The following DISC1 variants were observed in gnomAD, a reference collection of about 807,000 sequenced individuals.
DISC1 encodes the protein DISC1 scaffold protein.
In DISC1, 57 loss-of-function variants were observed where a neutral mutation model predicts 84.5. That is an observed-to-expected ratio of 0.67 (90% confidence interval 0.55 to 0.84). The LOEUF (loss-of-function observed/expected upper bound fraction) is 0.84. Among genes scored for constraint, DISC1 ranks in the 40% least tolerant of loss-of-function variants. The pLI is 0.00. For synonymous variants in DISC1, 411 were observed against 415.2 expected, an observed-to-expected ratio of 0.99 and a Z score of 0.12; for missense variants, 1,000 against 1,057.8, an observed-to-expected ratio of 0.95 and a Z score of 0.76.
Position 231,723,660 on chromosome 1 carries a change from G to T in DISC1, c.1117+21636G>T, listed in dbSNP as rs1041302749. ...ATTTTTGTCTCATCAATTGGATTAT[G>T]ACACTGTCAGCCACTGTTAGTGTTA... On this transcript the variant is annotated intron_variant, in intron 3 of 12. Transcript: ENST00000439617. 5 of 985,316 alleles carry T rather than the reference G, an allele frequency of 5.1e-6. No homozygotes were observed. In the African/African-American group the frequency reaches 8.7e-5, roughly 17 times the overall value. 61.0% of individuals were successfully genotyped at this position (985,316 alleles called of 1,614,324 possible). A position where few individuals can be genotyped will look rare whatever the true frequency, so the allele number is the denominator to read the frequency against.
chr1:231,694,529 G>A lies in DISC1; in HGVS notation c.771G>A (p.Glu257=). 6.2e-7 allele frequency: 1 copy of A among 1,614,244 alleles called. No individual in the cohort carries two copies. The highest frequency in any genetic ancestry group is 8.5e-7 in the Non-Finnish European group (1 of 1,180,032). ...AKAASLDGPH[E]DPRCLSRPFS... ...CTGCCAGCTTGGACGGGCCTCACGA[G>A]GACCCGCGATGTCTCTCTCGGCCCT... is the stretch of plus-strand genomic sequence containing the variant. Residue 257 remains glutamate, a synonymous_variant, in exon 2 of 13, where the codon GAG becomes GAA. Transcript: ENST00000439617.
intron 1 of DISC1, among the ~76,000 whole-genome samples, chr1:231,680,193 A>G (rs1284746437): frequency 1.3e-5 from 2 of 152,164 alleles, no homozygotes; most frequent in Non-Finnish European, 2.9e-5. Context: ...GTGCCACTGC[A>G]CTCCAGCCTG....
Position 232,021,851 on chromosome 1 carries a change from A to T in DISC1, c.2308-4584A>T, listed in dbSNP as rs563384058. ...ACAATGTCTGGGTGTTAGCTGAATGACTTGAAGACAGGGGCTGGGACCATC... is the reference window on the plus strand; with the variant it reads ...ACAATGTCTGGGTGTTAGCTGAATGTCTTGAAGACAGGGGCTGGGACCATC... On this transcript the variant is annotated intron_variant, in intron 11 of 12. Coordinates refer to ENST00000439617, the MANE Select transcript of DISC1 (RefSeq NM_018662.3). 1.1e-4 allele frequency among the ~76,000 whole-genome samples: 17 copies of T among 152,286 alleles called. No individual in the cohort carries two copies. In the South Asian group the frequency reaches 3.5e-3, roughly 32 times the overall value.
At chr1:231,896,482 T>C (rs907427806) in intron 9 of DISC1, among the ~76,000 whole-genome samples, 2 of 152,216 alleles carry the variant, frequency 1.3e-5, no homozygotes, top group Admixed American at 1.3e-4. Flanking sequence ...AACTTTTTTT[T>C]CCCATTTCAG....
chr1:231,696,147 A>G (rs1433732172), intron 2 of DISC1, among the ~76,000 whole-genome samples: 2 of 152,066 alleles, frequency 1.3e-5, no homozygotes, highest in Non-Finnish European at 2.9e-5. Context: ...CCCTTGTTCC[A>G]CATCTGGCTG....
intron 10 of DISC1, among the ~76,000 whole-genome samples, chr1:231,994,728 C>CT (rs1402992326): frequency 2.0e-5 from 3 of 152,108 alleles, no homozygotes; most frequent in African/African-American, 7.2e-5. Flanking sequence ...GCTGCACTGC[C>CT]TTTCTGCAAA....
intron 9 of DISC1, among the ~76,000 whole-genome samples, chr1:231,876,042 G>A (rs1558680037): frequency 6.6e-6 from 1 of 152,124 alleles, no homozygotes; most frequent in Non-Finnish European, 1.5e-5. Flanking sequence ...CCAAAATACA[G>A]CAAGGACACT....
chr1:231,916,104 A>G (rs1252679455), intron 9 of DISC1, among the ~76,000 whole-genome samples: 1 of 152,228 alleles, frequency 6.6e-6, no homozygotes, highest in Admixed American at 6.5e-5. Context: ...ACTTCCTTTA[A>G]GAAAGTTGAG....
At chr1:231,841,602 TCTTAA>T (rs529615453) in intron 9 of DISC1, among the ~76,000 whole-genome samples, 4 of 152,354 alleles carry the variant, frequency 2.6e-5, no homozygotes, top group Non-Finnish European at 2.9e-5. Context: ...TTTTCTGACC[TCTTAA>T]CTTGTACTGT....
intron 9 of DISC1, among the ~76,000 whole-genome samples, chr1:231,865,739 A>T (rs1470422584): frequency 6.6e-6 from 1 of 152,232 alleles, no homozygotes; most frequent in Non-Finnish European, 1.5e-5. Flanking sequence ...CTTTAAAAAG[A>T]AAATGAACAG....
In DISC1 at chr1:232,040,171, T is replaced by A. The variant is rs1670726113; in HGVS notation, c.*3340T>A. On this transcript the variant is annotated 3_prime_UTR_variant, in exon 13 of 13. Transcript: ENST00000439617. ...CGGGCCCTGATGATTTTTGTATTTT[T>A]AGTAGAGACAGGGCTTCACCATGTT... is the stretch of plus-strand genomic sequence containing the variant. 6.6e-6 allele frequency: 1 copy of A among 152,104 alleles called. No individual in the cohort carries two copies. Among genetic ancestry groups the A allele is most frequent in the Admixed American group, 6.6e-5 (1 of 15,248 alleles). The allele number at this position is 152,104 out of a possible 1,614,324, so 9.4% of individuals were successfully genotyped here. A position where few individuals can be genotyped will look rare whatever the true frequency, so the allele number is the denominator to read the frequency against.
chr1:231,955,680 G>A (rs1416779844), intron 9 of DISC1, among the ~76,000 whole-genome samples: 1 of 151,826 alleles, frequency 6.6e-6, no homozygotes, highest in Non-Finnish European at 1.5e-5. Flanking sequence ...AGTAGAGACG[G>A]GGTTTCACCA....
chr1:231,684,796 G>A (rs1226454302), intron 1 of DISC1: 7 of 152,192 alleles, frequency 4.6e-5, no homozygotes, highest in Non-Finnish European at 7.3e-5. Flanking sequence ...TAAGGAAGTA[G>A]CGTTTGTGGG....
At chr1:231,960,497 C>T (rs976399663) in intron 10 of DISC1, among the ~76,000 whole-genome samples, 18 of 152,270 alleles carry the variant, frequency 1.2e-4, no homozygotes, top group Admixed American at 2.0e-4. Context: ...CGGTGATCCA[C>T]GGCCTTGGCC....
intron 11 of DISC1, among the ~76,000 whole-genome samples, chr1:232,016,080 T>G (rs1045547286): frequency 5.3e-5 from 8 of 152,118 alleles, no homozygotes; most frequent in Non-Finnish European, 7.4e-5. Flanking sequence ...TGCCTGAGAC[T>G]TTAGGGTGGG....
intron 9 of DISC1, chr1:231,941,192 T>G (rs534292239): frequency 6.6e-6 from 1 of 152,270 alleles, no homozygotes; most frequent in South Asian, 2.1e-4. Context: ...ATGAGAGTTT[T>G]TGGGCTTCTT....
At chr1:231,881,743 A>G (rs920261276) in intron 9 of DISC1, among the ~76,000 whole-genome samples, 4 of 143,368 alleles carry the variant, frequency 2.8e-5, no homozygotes, top group African/African-American at 1.0e-4. Flanking sequence ...TCTGGAAACT[A>G]TGCCGATCAG....
intron 3 of DISC1, 160 bp downstream of exon 3, chr1:231,702,184 T>G: frequency 7.2e-7 from 1 of 1,393,654 alleles, no homozygotes; most frequent in South Asian, 1.6e-5. Flanking sequence ...ATTATTGTTT[T>G]GTAGATTTCA....
chr1:231,750,407 C>T, intron 4 of DISC1: 1 of 1,108,852 alleles, frequency 9.0e-7, no homozygotes, highest in Non-Finnish European at 1.1e-6. Flanking sequence ...GCTTGGTGTC[C>T]TGTGATCATA....
Sources: gnomAD v4.1 joint callset for allele counts (sites outside exome capture counted in the v4.1 genomes callset) on GRCh38, gnomAD v4.1.1 for gene constraint, MANE v1.5 for transcripts, NCBI Gene and HGNC (gene_info 2026-07-23, HGNC 2026-07-21) for gene names.